The following CALHM1 variants were observed in gnomAD, a reference collection of about 807,000 sequenced individuals.
The protein encoded by CALHM1 is calcium homeostasis modulator protein 1.
In CALHM1, 11 loss-of-function variants were observed where a neutral mutation model predicts 14.8. That is an observed-to-expected ratio of 0.74 (90% confidence interval 0.47 to 1.23). The LOEUF is 1.23. Ranked by LOEUF, CALHM1 falls within the 50% of genes most tolerant of loss-of-function variation. The probability of loss-of-function intolerance (pLI) is 0.00; values close to 1 mark genes in which losing one functional copy is unlikely to be tolerated. For synonymous variants in CALHM1, 215 were observed against 218.9 expected, an observed-to-expected ratio of 0.98 and a Z score of 0.16; for missense variants, 458 against 496.4, an observed-to-expected ratio of 0.92 and a Z score of 0.74.
At chr10:103,456,271 T>C (rs1195060967) in intron 1 of CALHM1, among the ~76,000 whole-genome samples, 1 of 152,330 alleles carries the variant, frequency 6.6e-6, no homozygotes, top group East Asian at 1.9e-4. Context: ...GCCTCTTCTT[T>C]CAGGAAGCCT....
intron 1 of CALHM1, among the ~76,000 whole-genome samples, chr10:103,456,572 C>T (rs1037356933): frequency 1.3e-5 from 2 of 152,220 alleles, no homozygotes; most frequent in African/African-American, 4.8e-5. Context: ...AGCACTTGGG[C>T]AGATCAGGAC....
At position 103,455,442 on chromosome 10, in the gene CALHM1, C is replaced by T; in HGVS notation, c.861G>A (p.Arg287=). ...PTTPDGAEEE[R]EKLRGITDQG... ...GATCCGTGATGCCACGCAGCTTCTCCCTTTCCTCCTCCGCACCATCGGGGG... is the reference window on the plus strand; with the variant it reads ...GATCCGTGATGCCACGCAGCTTCTCTCTTTCCTCCTCCGCACCATCGGGGG... Residue 287 remains arginine (R), a synonymous_variant, in exon 2 of 2, where the codon AGG becomes AGA. Transcript: ENST00000329905. 7 of 1,614,000 alleles carry T rather than the reference C, an allele frequency of 4.3e-6. No individual in the cohort carries two copies. The highest frequency in any genetic ancestry group is 5.9e-6 in the Non-Finnish European group (7 of 1,180,022).
rs200862357 is a variant in CALHM1 at position 103,458,416 on chromosome 10, G to A, written c.336C>T (p.Val112=). Residue 112 remains valine, a synonymous_variant, in exon 1 of 2, where the codon GTC becomes GTT. Coordinates refer to ENST00000329905, the MANE Select transcript of CALHM1 (RefSeq NM_001001412.4). This position sits in a 1 kb window ranked among gnomAD's most constrained non-coding sequence, Gnocchi z 4.9. ...CGAGTAGCGTGACGGCCACCCAGAC[G>A]ACAGGCGCGATGAGGGCGCGCTGGG... The part of the protein sequence containing the change: ...SMAQRALIAP[V]VWVAVTLLDG... 89 of 1,609,396 alleles carry A rather than the reference G, an allele frequency of 5.5e-5. No homozygotes were observed. Among genetic ancestry groups the A allele is most frequent in the Non-Finnish European group, 7.1e-5 (83 of 1,177,152 alleles).
chr10:103,454,486 C>T lies in CALHM1; in HGVS notation c.*776G>A, dbSNP rs1295894732. On this transcript the variant is annotated 3_prime_UTR_variant, in exon 2 of 2. Coordinates refer to ENST00000329905, the MANE Select transcript of CALHM1 (RefSeq NM_001001412.4). ...AGACTTCAGCTTCTGTGTCTAACTT[C>T]TCAAGCCTTGGGGATGGTCTGATTT... 1 of 152,254 alleles carries T rather than the reference C, an allele frequency of 6.6e-6. No homozygotes were observed. The highest frequency in any genetic ancestry group is 1.5e-5 in the Non-Finnish European group (1 of 68,042). 9.4% of individuals were successfully genotyped at this position (152,254 alleles called of 1,614,324 possible). A position where few individuals can be genotyped will look rare whatever the true frequency, so the allele number is the denominator to read the frequency against.
rs774437509 is a variant in CALHM1 at position 103,458,191 on chromosome 10, C to T, written c.555+6G>A. On this transcript the variant is annotated splice_donor_region_variant and intron_variant, in intron 1 of 1. Coordinates refer to ENST00000329905, the MANE Select transcript of CALHM1 (RefSeq NM_001001412.4). This position sits in a 1 kb window ranked among gnomAD's most constrained non-coding sequence, Gnocchi z 4.9. ...AGACCCAGCGTGAAGCCATGCGGCC[C>T]CTCACCTGGGAGATGCAGCGGAGGT... The T allele has an allele frequency of 3.1e-6, 5 of 1,612,206 alleles. No individual in the cohort carries two copies. Among genetic ancestry groups the T allele is most frequent in the Middle Eastern group, 1.7e-4 (1 of 6,056 alleles).
Position 103,458,500 on chromosome 10 carries a change from C to A in CALHM1, c.252G>T (p.Arg84=). Residue 84 remains arginine, a synonymous_variant, in exon 1 of 2, where the codon CGG becomes CGT. Transcript: ENST00000329905. The surrounding 1 kb of genome is among the most constrained non-coding windows in gnomAD (Gnocchi z 4.9). ...NVSMLAEEWK[R]PLGRRAKDPA... is the part of the protein sequence containing the mutation. The stretch of plus-strand genomic sequence containing the variant: ...GGTCCTTGGCCCGGCGGCCCAGCGG[C>A]CGCTTCCACTCTTCGGCCAGCATGG... The A allele has an allele frequency of 6.2e-7, 1 of 1,613,308 alleles. No individual in the cohort carries two copies. The highest frequency in any genetic ancestry group is 8.5e-7 in the Non-Finnish European group (1 of 1,179,982).
In CALHM1 at chr10:103,458,491, G is replaced by A; in HGVS notation, c.261C>T (p.Gly87=). 1 of 1,612,368 alleles carries A rather than the reference G, an allele frequency of 6.2e-7. No individual in the cohort carries two copies. Among genetic ancestry groups the A allele is most frequent in the Non-Finnish European group, 8.5e-7 (1 of 1,179,374 alleles). Residue 87 remains glycine (G), a synonymous_variant, in exon 1 of 2, where the codon GGC becomes GGT. Coordinates refer to ENST00000329905, the MANE Select transcript of CALHM1 (RefSeq NM_001001412.4). This position sits in a 1 kb window ranked among gnomAD's most constrained non-coding sequence, Gnocchi z 4.9. ...ACACAGCGGGGTCCTTGGCCCGGCG[G>A]CCCAGCGGCCGCTTCCACTCTTCGG... The part of the protein sequence containing the change: ...MLAEEWKRPL[G]RRAKDPAVLR...
At position 103,453,542 on chromosome 10, in the gene CALHM1, T is replaced by C. The variant is rs2133820685; in HGVS notation, c.*1720A>G. The stretch of plus-strand genomic sequence containing the variant: ...CTCCCAAGTGCTGGGATTACAGGCA[T>C]GAGCCACTCCGCCTGGCCAAGCAGG... On this transcript the variant is annotated 3_prime_UTR_variant, in exon 2 of 2. Coordinates refer to ENST00000329905, the MANE Select transcript of CALHM1 (RefSeq NM_001001412.4). 6.6e-6 allele frequency: 1 copy of C among 152,170 alleles called. No homozygotes were observed. The highest frequency in any genetic ancestry group is 1.5e-5 in the Non-Finnish European group (1 of 68,030). The allele number at this position is 152,170 out of a possible 1,614,324, so 9.4% of individuals were successfully genotyped here. A position where few individuals can be genotyped will look rare whatever the true frequency, so the allele number is the denominator to read the frequency against.
At chr10:103,457,760 C>A (rs2033167477) in intron 1 of CALHM1, among the ~76,000 whole-genome samples, 2 of 152,240 alleles carry the variant, frequency 1.3e-5, no homozygotes, top group African/African-American at 4.8e-5. Flanking sequence ...CCAGGACACC[C>A]TGGTCCTCAG....
rs2133822008 is a variant in CALHM1 at position 103,454,212 on chromosome 10, G to T, written c.*1050C>A. 1.3e-5 allele frequency: 2 copies of T among 152,396 alleles called. No homozygotes were observed. Among genetic ancestry groups the T allele is most frequent in the South Asian group, 4.1e-4 (2 of 4,824 alleles). 9.4% of individuals were successfully genotyped at this position (152,396 alleles called of 1,614,324 possible). ...ACAGCAACCCCATGATGGCGGGCCG[G>T]GGGGGCCTCATCCTCATTGTATAGA... On this transcript the variant is annotated 3_prime_UTR_variant, in exon 2 of 2. Coordinates refer to ENST00000329905, the MANE Select transcript of CALHM1 (RefSeq NM_001001412.4).
rs147485906 is a variant in CALHM1 at position 103,458,415 on chromosome 10, C to G, written c.337G>C (p.Val113Leu). The G allele has an allele frequency of 1.2e-6, 2 of 1,609,068 alleles. No homozygotes were observed. Among genetic ancestry groups the G allele is most frequent in the South Asian group, 2.2e-5 (2 of 90,840 alleles). Residue 113 changes from valine (V) to leucine (L), a missense_variant, in exon 1 of 2, where the codon GTC becomes CTC. Val to Leu is a conservative substitution (Grantham distance 32, BLOSUM62 1). Coordinates refer to ENST00000329905, the MANE Select transcript of CALHM1 (RefSeq NM_001001412.4). The surrounding 1 kb of genome is among the most constrained non-coding windows in gnomAD (Gnocchi z 4.9). ...MAQRALIAPV[V>L]WVAVTLLDGK... ...TCGAGTAGCGTGACGGCCACCCAGA[C>G]GACAGGCGCGATGAGGGCGCGCTGG...
chr10:103,455,383 T>G lies in CALHM1; in HGVS notation c.920A>C (p.His307Pro), dbSNP rs565229451. 6.2e-7 allele frequency: 1 copy of G among 1,613,838 alleles called. No individual in the cohort carries two copies. The highest frequency in any genetic ancestry group is 8.5e-7 in the Non-Finnish European group (1 of 1,180,056). The change falls in exon 2 of 2, where the codon CAC (histidine) becomes CCC (proline). Residue 307 changes from histidine to proline, a missense_variant. Coordinates refer to ENST00000329905, the MANE Select transcript of CALHM1 (RefSeq NM_001001412.4). ...CAGCCGCAGAGGCGGTTTGCATTTG[T>G]GCCAGCTCGTGAGCAGCCTGTTCAT... ...GTMNRLLTSW[H>P]KCKPPLRLGQ...
chr10:103,457,199 C>A (rs1317685310), intron 1 of CALHM1, among the ~76,000 whole-genome samples: 1 of 152,228 alleles, frequency 6.6e-6, no homozygotes, highest in African/African-American at 2.4e-5. Flanking sequence ...AGCCTGTGGC[C>A]TCTGGGGCCC....
At chr10:103,456,636 C>A (rs1261958874) in intron 1 of CALHM1, among the ~76,000 whole-genome samples, 2 of 152,218 alleles carry the variant, frequency 1.3e-5, no homozygotes, top group Non-Finnish European at 2.9e-5. Context: ...CGTGACAGAG[C>A]ACACGGGGTG....
Position 103,455,090 on chromosome 10 carries a change from C to T in CALHM1, c.*172G>A, listed in dbSNP as rs2033126754. The T allele has an allele frequency of 1.0e-6, 1 of 966,810 alleles. No individual in the cohort carries two copies. The highest frequency in any genetic ancestry group is 2.6e-5 in the East Asian group (1 of 37,958). 59.9% of individuals were successfully genotyped at this position (966,810 alleles called of 1,614,324 possible). On this transcript the variant is annotated 3_prime_UTR_variant, in exon 2 of 2. Coordinates refer to ENST00000329905, the MANE Select transcript of CALHM1 (RefSeq NM_001001412.4). ...GTGTCACACCTGAAGGCATCAGATC[C>T]CCTTCCAGCTCCAAATTTCCTGCCT...
At position 103,455,630 on chromosome 10, in the gene CALHM1, C is replaced by G. The variant is rs371478976; in HGVS notation, c.673G>C (p.Asp225His). 5 of 1,613,692 alleles carry G rather than the reference C, an allele frequency of 3.1e-6. No individual in the cohort carries two copies. The highest frequency in any genetic ancestry group is 3.4e-6 in the Non-Finnish European group (4 of 1,180,048). ...TCGTCGAAGAGCTTGCGCTCGATGTCGATATAGTGGGACCAGTACTTGCTC... is the reference window on the plus strand; with the variant it reads ...TCGTCGAAGAGCTTGCGCTCGATGTGGATATAGTGGGACCAGTACTTGCTC... ...LKSKYWSHYI[D>H]IERKLFDETC... The change falls in exon 2 of 2, where the codon GAC (aspartate) becomes CAC (histidine). Residue 225 changes from aspartate to histidine, a missense_variant. Coordinates refer to ENST00000329905, the MANE Select transcript of CALHM1 (RefSeq NM_001001412.4).
rs761286603 is a variant in CALHM1 at position 103,458,488 on chromosome 10, G to A, written c.264C>T (p.Arg88=). The A allele has an allele frequency of 1.9e-6, 3 of 1,612,268 alleles. No homozygotes were observed. Among genetic ancestry groups the A allele is most frequent in the Non-Finnish European group, 2.5e-6 (3 of 1,179,422 alleles). Residue 88 remains arginine, a synonymous_variant, in exon 1 of 2, where the codon CGC becomes CGT. Transcript: ENST00000329905. The surrounding 1 kb of genome is among the most constrained non-coding windows in gnomAD (Gnocchi z 4.9). ...LAEEWKRPLG[R]RAKDPAVLRY... Reference sequence around the variant, plus strand: ...GCAACACAGCGGGGTCCTTGGCCCGGCGGCCCAGCGGCCGCTTCCACTCTT... The same window carrying A: ...GCAACACAGCGGGGTCCTTGGCCCGACGGCCCAGCGGCCGCTTCCACTCTT...
intron 1 of CALHM1, among the ~76,000 whole-genome samples, 185 bp from the exon 2 acceptor site, chr10:103,455,932 AG>A (rs1236590276): frequency 1.3e-5 from 2 of 152,250 alleles, no homozygotes; most frequent in Non-Finnish European, 2.9e-5. Context: ...TAATGGAGAT[AG>A]GTGCACCTCA....
Position 103,458,404 on chromosome 10 carries a change from G to A in CALHM1, c.348C>T (p.Ala116=), listed in dbSNP as rs746380771. The A allele has an allele frequency of 5.0e-5, 81 of 1,608,894 alleles. No individual in the cohort carries two copies. Among genetic ancestry groups the A allele is most frequent in the Middle Eastern group, 1.6e-4 (1 of 6,074 alleles). The part of the protein sequence containing the change: ...RALIAPVVWV[A]VTLLDGKCFL... ...AGCATTTGCCGTCGAGTAGCGTGACGGCCACCCAGACGACAGGCGCGATGA... is the reference window on the plus strand; with the variant it reads ...AGCATTTGCCGTCGAGTAGCGTGACAGCCACCCAGACGACAGGCGCGATGA... The change falls in exon 1 of 2, where the codon GCC becomes GCT. Residue 116 remains alanine (A), a synonymous_variant. Coordinates refer to ENST00000329905, the MANE Select transcript of CALHM1 (RefSeq NM_001001412.4). The surrounding 1 kb of genome is among the most constrained non-coding windows in gnomAD (Gnocchi z 4.9).
Sources: gnomAD v4.1 joint callset for allele counts (sites outside exome capture counted in the v4.1 genomes callset) on GRCh38, gnomAD v4.1.1 for gene constraint, Gnocchi (gnomAD v3.1) non-coding constraint, MANE v1.5 for transcripts, NCBI Gene and HGNC (gene_info 2026-07-23, HGNC 2026-07-21) for gene names.